The following SMYD3 variants were observed in gnomAD, a reference collection of about 807,000 sequenced individuals.
The protein encoded by SMYD3 is SET and MYND domain containing 3, also known as histone-lysine N-methyltransferase SMYD3.
SMYD3 carries 36 observed loss-of-function variants against 57.7 expected under a neutral mutation model. The ratio of observed to expected loss-of-function variants is 0.62; its 90% CI spans 0.48 to 0.82. The LOEUF (loss-of-function observed/expected upper bound fraction) is 0.82, where lower values mean the gene tolerates loss of function less well. SMYD3 is among the 40% of genes least tolerant of loss of function. The probability of loss-of-function intolerance (pLI) is 0.00; values close to 1 mark genes in which losing one functional copy is unlikely to be tolerated. For missense variants in SMYD3, 515 were observed against 538.8 expected, an observed-to-expected ratio of 0.96 and a Z score of 0.44; for synonymous variants, 211 against 195.0, an observed-to-expected ratio of 1.08 and a Z score of -0.68.
chr1:246,001,613 A>C (rs2059046395), intron 5 of SMYD3, among the ~76,000 whole-genome samples: 1 of 152,238 alleles, frequency 6.6e-6, no homozygotes, highest in Non-Finnish European at 1.5e-5. Context: ...AGACGGAAAC[A>C]ATAATAATCC....
chr1:245,914,964 C>G (rs2055295258), intron 8 of SMYD3, among the ~76,000 whole-genome samples: 1 of 152,008 alleles, frequency 6.6e-6, no homozygotes, highest in African/African-American at 2.4e-5. Context: ...GTAGGGTTGA[C>G]TATAAAGGGA....
chr1:246,434,519 C>T (rs1052896825), intron 1 of SMYD3, among the ~76,000 whole-genome samples: 1 of 152,260 alleles, frequency 6.6e-6, no homozygotes, highest in Non-Finnish European at 1.5e-5. Flanking sequence ...AATGAAGACA[C>T]ACAAGCGGCA....
intron 5 of SMYD3, among the ~76,000 whole-genome samples, chr1:246,236,886 A>C (rs766900214): frequency 6.6e-6 from 1 of 152,150 alleles, no homozygotes; most frequent in African/African-American, 2.4e-5. Context: ...AAATGCACAA[A>C]GACTGGGAAT....
chr1:246,189,720 A>AC (rs2062701431), intron 5 of SMYD3, among the ~76,000 whole-genome samples: 2 of 151,820 alleles, frequency 1.3e-5, no homozygotes, highest in East Asian at 1.9e-4. Flanking sequence ...AAAGAAAGAG[A>AC]CCCCCTACGG....
At chr1:245,932,706 G>A (rs1224357733) in intron 5 of SMYD3, among the ~76,000 whole-genome samples, 3 of 152,144 alleles carry the variant, frequency 2.0e-5, no homozygotes, top group Non-Finnish European at 2.9e-5. Context: ...CTACAGGCTG[G>A]CACCACCACC....
chr1:245,913,350 C>G (rs1336478497), intron 8 of SMYD3, among the ~76,000 whole-genome samples: 3 of 122,250 alleles, frequency 2.5e-5, no homozygotes. Context: ...CATCACACAC[C>G]GGGGCCTGTT....
intron 5 of SMYD3, among the ~76,000 whole-genome samples, chr1:245,962,828 GGC>G (rs1439914047): frequency 6.6e-6 from 1 of 151,696 alleles, no homozygotes; most frequent in Non-Finnish European, 1.5e-5. Flanking sequence ...ATTTTAAACA[GGC>G]AACAAAAAAG....
intron 10 of SMYD3, among the ~76,000 whole-genome samples, chr1:245,774,883 G>A (rs1414933932): frequency 6.6e-6 from 1 of 152,158 alleles, no homozygotes; most frequent in African/African-American, 2.4e-5. Context: ...GTATTTTTTT[G>A]GTGGAGACGG....
At chr1:246,224,814 A>C (rs1055831188) in intron 5 of SMYD3, among the ~76,000 whole-genome samples, 1 of 152,086 alleles carries the variant, frequency 6.6e-6, no homozygotes, top group African/African-American at 2.4e-5. Context: ...ACAGAAAAAA[A>C]ATTAAGAGTA....
intron 5 of SMYD3, among the ~76,000 whole-genome samples, chr1:246,289,518 G>T (rs1008778797): frequency 6.6e-6 from 1 of 152,056 alleles, no homozygotes; most frequent in Non-Finnish European, 1.5e-5. Context: ...TACATCTTTG[G>T]CATTTCGTTT....
At chr1:246,193,123 GTA>G (rs1294253071) in intron 5 of SMYD3, among the ~76,000 whole-genome samples, 1 of 152,136 alleles carries the variant, frequency 6.6e-6, no homozygotes, top group Non-Finnish European at 1.5e-5. Flanking sequence ...CTCATTAGAA[GTA>G]TCCTTAGGTC....
At chr1:246,182,582 C>A (rs931478792) in intron 5 of SMYD3, among the ~76,000 whole-genome samples, 3 of 152,178 alleles carry the variant, frequency 2.0e-5, no homozygotes, top group Non-Finnish European at 4.4e-5. Flanking sequence ...AACAGTCTAC[C>A]TGGACCTGTT....
At chr1:246,366,901 A>C (rs1490796860) in intron 1 of SMYD3, among the ~76,000 whole-genome samples, 10 of 145,440 alleles carry the variant, frequency 6.9e-5, no homozygotes, top group African/African-American at 2.3e-4. Flanking sequence ...ATTGCACTCC[A>C]GCCTGGGCGA....
At chr1:246,012,875 C>T (rs1207946104) in intron 5 of SMYD3, among the ~76,000 whole-genome samples, 1 of 152,120 alleles carries the variant, frequency 6.6e-6, no homozygotes, top group South Asian at 2.1e-4. Context: ...ACTGAGAAAG[C>T]GAAGTTCTGA....
At chr1:245,982,826 AT>A (rs1316993043) in intron 5 of SMYD3, among the ~76,000 whole-genome samples, 1 of 152,160 alleles carries the variant, frequency 6.6e-6, no homozygotes, top group Non-Finnish European at 1.5e-5. Context: ...GGATTTCCTT[AT>A]TTCTTTCGTA....
intron 5 of SMYD3, among the ~76,000 whole-genome samples, chr1:246,317,430 C>T (rs576992507): frequency 1.8e-4 from 27 of 152,396 alleles, no homozygotes; most frequent in South Asian, 6.2e-4. Flanking sequence ...GAGGCCAAAT[C>T]TGGCCCACCA....
At chr1:245,850,408 C>T (rs984715465) in intron 10 of SMYD3, among the ~76,000 whole-genome samples, 5 of 152,084 alleles carry the variant, frequency 3.3e-5, no homozygotes, top group African/African-American at 1.2e-4. Flanking sequence ...AAAGCTATCC[C>T]AGGCTGGGTT....
chr1:245,859,526 G>T (rs536791696), intron 9 of SMYD3, among the ~76,000 whole-genome samples: 1 of 152,204 alleles, frequency 6.6e-6, no homozygotes, highest in Non-Finnish European at 1.5e-5. Flanking sequence ...TCAGAGGACT[G>T]AGGACATGGT....
intron 5 of SMYD3, among the ~76,000 whole-genome samples, chr1:246,085,561 T>C (rs948816150): frequency 5.3e-5 from 8 of 152,166 alleles, no homozygotes; most frequent in East Asian, 1.9e-4. Context: ...TGCAGTGACA[T>C]AGAGACCTGA....
Sources: allele counts gnomAD v4.1 joint callset (sites outside exome capture counted in the v4.1 genomes callset), GRCh38; gene constraint gnomAD v4.1.1; transcripts MANE v1.5; gene names NCBI Gene and HGNC (gene_info 2026-07-23, HGNC 2026-07-21).